Variants in SCARA5 observed in about 807,000 individuals in gnomAD.
The protein encoded by SCARA5 is scavenger receptor class A, member 5 (putative).
In SCARA5, 45 loss-of-function variants were observed where a neutral mutation model predicts 46.3. The ratio of observed to expected loss-of-function variants is 0.97; its 90% CI spans 0.76 to 1.24. SCARA5 has a LOEUF of 1.24. Among genes scored for constraint, SCARA5 ranks in the 50% most tolerant of loss-of-function variants. SCARA5 has a pLI of 0.00. For missense variants in SCARA5, 680 were observed against 689.0 expected, an observed-to-expected ratio of 0.99 and a Z score of 0.15; for synonymous variants, 333 against 306.5, an observed-to-expected ratio of 1.09 and a Z score of -0.90.
At chr8:27,879,348 A>T (rs1806772101) in intron 8 of SCARA5, among the ~76,000 whole-genome samples, 2 of 152,200 alleles carry the variant, frequency 1.3e-5, no homozygotes, top group Admixed American at 1.3e-4. Context: ...GACAGGACTT[A>T]GATCCACGAA....
rs56013516 is a variant in SCARA5, at chr8:27,897,091, C to CAA, written c.1153+7685_1153+7686dup. Among the ~76,000 whole-genome samples the CAA allele has an allele frequency of 2.2e-3, 331 of 148,210 alleles. 2 individuals carry two copies. The highest frequency in any genetic ancestry group is 0.021 in the East Asian group (107 of 5,078). On this transcript the variant is annotated intron_variant, in intron 7 of 8. Coordinates refer to ENST00000354914, the MANE Select transcript of SCARA5 (RefSeq NM_173833.6). ...TGGGCGACAGAGTGAGACTCGGTCT[C>CAA]AAAAAAAAAAGAAAAAGAAGAGGCT...
At chr8:27,972,191 C>T (rs1358639937) in intron 2 of SCARA5, among the ~76,000 whole-genome samples, 1 of 151,958 alleles carries the variant, frequency 6.6e-6, no homozygotes, top group Non-Finnish European at 1.5e-5. Context: ...GCGGCAGGCA[C>T]CTGTAACCCC....
At chr8:27,933,152 C>T (rs1347726980) in intron 3 of SCARA5, among the ~76,000 whole-genome samples, 3 of 152,206 alleles carry the variant, frequency 2.0e-5, no homozygotes, top group African/African-American at 7.2e-5. Flanking sequence ...CCCTCTTGGG[C>T]TGCAGGCGTT....
At chr8:27,982,031 T>G (rs1222448307) in intron 2 of SCARA5, among the ~76,000 whole-genome samples, 1 of 152,058 alleles carries the variant, frequency 6.6e-6, no homozygotes, top group Non-Finnish European at 1.5e-5. Context: ...ATTTTCATTT[T>G]ATGGGGAAGG....
intron 7 of SCARA5, among the ~76,000 whole-genome samples, chr8:27,898,968 C>G (rs1026853396): frequency 2.6e-5 from 4 of 152,230 alleles, no homozygotes; most frequent in African/African-American, 7.2e-5. Context: ...CACCCCATCC[C>G]CATACCTGGC....
In SCARA5 at chr8:27,870,753, C is replaced by A. The variant is rs1224626893; in HGVS notation, c.*1181G>T. On this transcript the variant is annotated 3_prime_UTR_variant, in exon 9 of 9. Coordinates refer to ENST00000354914, the MANE Select transcript of SCARA5 (RefSeq NM_173833.6). ...AAGGCCCCTTATTCCTACTCCCCAC[C>A]CCCAGAGGTTATAGGGAATCTTCAT... 3.9e-5 allele frequency: 6 copies of A among 152,304 alleles called. No individual in the cohort carries two copies. The highest frequency in any genetic ancestry group is 6.8e-3 in the Middle Eastern group (2 of 296). The allele number at this position is 152,304 out of a possible 1,614,324, so 9.4% of individuals were successfully genotyped here. A position where few individuals can be genotyped will look rare whatever the true frequency, so the allele number is the denominator to read the frequency against.
At chr8:27,915,871 C>T (rs995466096) in intron 4 of SCARA5, among the ~76,000 whole-genome samples, 4 of 152,110 alleles carry the variant, frequency 2.6e-5, no homozygotes, top group Non-Finnish European at 5.9e-5. Context: ...AACCTGCATC[C>T]TTGCCAAAGA....
intron 4 of SCARA5, chr8:27,910,106 G>T (rs1807348978): frequency 5.1e-6 from 1 of 196,252 alleles, no homozygotes. Context: ...TTTTGATGAA[G>T]TCACGGGGGT....
At chr8:27,980,890 C>T (rs967355994) in intron 2 of SCARA5, among the ~76,000 whole-genome samples, 1 of 152,128 alleles carries the variant, frequency 6.6e-6, no homozygotes, top group African/African-American at 2.4e-5. Context: ...CTTTCTTCAG[C>T]AGAAGGCCAG....
At chr8:27,989,683 C>T (rs779406470) in intron 1 of SCARA5, among the ~76,000 whole-genome samples, 15 of 152,202 alleles carry the variant, frequency 9.9e-5, no homozygotes, top group Non-Finnish European at 8.8e-5. Flanking sequence ...AGGGGGTGGT[C>T]CTCGGCTCTG....
At chr8:27,917,996 TA>T (rs1310867759) in intron 4 of SCARA5, among the ~76,000 whole-genome samples, 4 of 152,184 alleles carry the variant, frequency 2.6e-5, no homozygotes, top group Non-Finnish European at 1.5e-5. Flanking sequence ...TGTCAAGATT[TA>T]ACAGTTGCTT....
chr8:27,888,706 G>A (rs1277860809), intron 7 of SCARA5, among the ~76,000 whole-genome samples: 3 of 152,138 alleles, frequency 2.0e-5, no homozygotes, highest in Non-Finnish European at 2.9e-5. Flanking sequence ...ATCCCACTTC[G>A]GTTTGGTTAC....
At chr8:27,920,893 G>A (rs1362998157) in intron 4 of SCARA5, among the ~76,000 whole-genome samples, 1 of 151,140 alleles carries the variant, frequency 6.6e-6, no homozygotes, top group African/African-American at 2.4e-5. Flanking sequence ...GGAGAATGGC[G>A]TGAACCCGGG....
At chr8:27,919,240 C>CGGAGGA (rs1474636716) in intron 4 of SCARA5, among the ~76,000 whole-genome samples, 1 of 2,318 alleles carries the variant, frequency 4.3e-4, no homozygotes, top group East Asian at 0.013. Context: ...GAGGAAGAGA[C>CGGAGGA]GGAGGAGGAA....
In SCARA5 at chr8:27,870,903, A is replaced by T. The variant is rs1184215238; in HGVS notation, c.*1031T>A. On this transcript the variant is annotated 3_prime_UTR_variant, in exon 9 of 9. Transcript: ENST00000354914. ...GCTGAGACACACATGACTTGGCTTT[A>T]ACCGTGACTGCCCAATGCCAGAGCA... 1 of 152,250 alleles carries T rather than the reference A, an allele frequency of 6.6e-6. No homozygotes were observed. Among genetic ancestry groups the T allele is most frequent in the Non-Finnish European group, 1.5e-5 (1 of 68,068 alleles). 9.4% of individuals were successfully genotyped at this position (152,250 alleles called of 1,614,324 possible).
At chr8:27,987,445 G>C in intron 2 of SCARA5, 59 bp downstream of exon 2, 2 of 1,187,282 alleles carry the variant, frequency 1.7e-6, no homozygotes, top group Non-Finnish European at 2.5e-6. Context: ...TGGTGGTAGG[G>C]CTCCTTCCCC....
chr8:27,911,841 A>C (rs1049206516), intron 4 of SCARA5, among the ~76,000 whole-genome samples: 2 of 152,198 alleles, frequency 1.3e-5, no homozygotes, highest in African/African-American at 2.4e-5. Context: ...ATTAGTTAAG[A>C]TGAGGTTATA....
chr8:27,991,849 ACACACACACATG>A (rs1392189920), intron 1 of SCARA5, among the ~76,000 whole-genome samples: 1 of 151,508 alleles, frequency 6.6e-6, no homozygotes, highest in African/African-American at 2.4e-5. Flanking sequence ...AGACATGCAC[ACACACACACATG>A]CACACACACA....
intron 2 of SCARA5, among the ~76,000 whole-genome samples, chr8:27,977,295 G>A (rs893992920): frequency 6.6e-6 from 1 of 152,166 alleles, no homozygotes; most frequent in African/African-American, 2.4e-5. Flanking sequence ...TCAGTCCATT[G>A]CACCCACAGA....
Sources: gnomAD v4.1 joint callset for allele counts (sites outside exome capture counted in the v4.1 genomes callset) on GRCh38, gnomAD v4.1.1 for gene constraint, MANE v1.5 for transcripts, NCBI Gene and HGNC (gene_info 2026-07-23, HGNC 2026-07-21) for gene names.